Variants in CLDN10 observed in about 807,000 individuals in gnomAD.
The protein encoded by CLDN10 is claudin 10.
Under a neutral mutation model 22.9 loss-of-function variants are expected in CLDN10, and 15 were observed. The ratio of observed to expected loss-of-function variants is 0.65; its 90% CI spans 0.44 to 1.01. CLDN10 has a LOEUF of 1.01. Among genes scored for constraint, CLDN10 ranks in the 50% least tolerant of loss-of-function variants. The pLI is 0.00. For synonymous variants in CLDN10, 114 were observed against 111.4 expected, an observed-to-expected ratio of 1.02 and a Z score of -0.15; for missense variants, 247 against 287.8, an observed-to-expected ratio of 0.86 and a Z score of 1.03.
intron 1 of CLDN10, among the ~76,000 whole-genome samples, chr13:95,473,162 A>G (rs66634065): frequency 0.38 from 27,549 of 73,306 alleles, 3,680 homozygotes; most frequent in African/African-American, 0.46. Context: ...AAAAAAAAGG[A>G]GAGAGAGAGA....
At chr13:95,561,808 C>T (rs1318827852) in intron 3 of CLDN10, among the ~76,000 whole-genome samples, 1 of 148,562 alleles carries the variant, frequency 6.7e-6, no homozygotes, top group Non-Finnish European at 1.5e-5. Context: ...TTCTGTCACT[C>T]AGGCTGGAGT....
At chr13:95,574,845 C>G (rs2043904361) in intron 3 of CLDN10, among the ~76,000 whole-genome samples, 1 of 152,062 alleles carries the variant, frequency 6.6e-6, no homozygotes, top group South Asian at 2.1e-4. Context: ...ACTCATGATT[C>G]CTAAATTTCT....
intron 1 of CLDN10, among the ~76,000 whole-genome samples, chr13:95,435,870 G>A (rs539819503): frequency 1.3e-5 from 2 of 151,438 alleles, no homozygotes; most frequent in South Asian, 4.2e-4. Context: ...TGCCAAGGCT[G>A]GTCTCGATCT....
intron 1 of CLDN10, among the ~76,000 whole-genome samples, chr13:95,446,124 T>A (rs1176799492): frequency 6.6e-6 from 1 of 152,152 alleles, no homozygotes; most frequent in Non-Finnish European, 1.5e-5. Context: ...TTGGAAGAAG[T>A]CATTTCTATC....
chr13:95,534,794 G>GT (rs904934144), intron 1 of CLDN10, among the ~76,000 whole-genome samples: 16 of 151,874 alleles, frequency 1.1e-4, no homozygotes, highest in Admixed American at 6.6e-5. Flanking sequence ...AAACTTCAGG[G>GT]TTTTTTTTCT....
At chr13:95,483,939 G>T (rs1279993236) in intron 1 of CLDN10, among the ~76,000 whole-genome samples, 2 of 152,118 alleles carry the variant, frequency 1.3e-5, no homozygotes, top group African/African-American at 4.8e-5. Flanking sequence ...TGGGATTAGT[G>T]CCCTTATAGA....
At chr13:95,498,128 A>G (rs550646252) in intron 1 of CLDN10, among the ~76,000 whole-genome samples, 91 of 152,326 alleles carry the variant, frequency 6.0e-4, no homozygotes, top group African/African-American at 2.1e-3. Flanking sequence ...CTGAGAGGGA[A>G]TCTGAAGGTC....
intron 1 of CLDN10, 51 bp from the exon 2 acceptor site, chr13:95,560,081 C>T (rs2043685984): frequency 6.6e-7 from 1 of 1,507,416 alleles, no homozygotes; most frequent in Non-Finnish European, 9.0e-7. Context: ...AGGATTTCTC[C>T]CTGGACAGCC....
chr13:95,561,930 T>C (rs200137277), intron 3 of CLDN10, among the ~76,000 whole-genome samples: 1 of 131,054 alleles, frequency 7.6e-6, no homozygotes, highest in African/African-American at 3.2e-5. Context: ...AACCAGATAA[T>C]TTTTTTTTTT....
chr13:95,528,986 A>G (rs1304242004), intron 1 of CLDN10, among the ~76,000 whole-genome samples: 1 of 152,178 alleles, frequency 6.6e-6, no homozygotes, highest in African/African-American at 2.4e-5. Flanking sequence ...GTGATGGCCA[A>G]TCAAGGGTGT....
intron 1 of CLDN10, among the ~76,000 whole-genome samples, chr13:95,537,911 C>T (rs1429514316): frequency 6.6e-6 from 1 of 152,190 alleles, no homozygotes; most frequent in Non-Finnish European, 1.5e-5. Flanking sequence ...AATTGATAAG[C>T]ACTGGTGGCT....
chr13:95,552,539 C>A (rs2043577693), upstream of CLDN10, among the ~76,000 whole-genome samples: 2 of 152,186 alleles, frequency 1.3e-5, no homozygotes, highest in African/African-American at 4.8e-5. Context: ...GATGGAGAAC[C>A]CGGGGGGCGA....
intron 1 of CLDN10, among the ~76,000 whole-genome samples, chr13:95,454,755 T>C (rs1018007157): frequency 4.6e-5 from 7 of 152,164 alleles, no homozygotes; most frequent in South Asian, 2.1e-4. Context: ...TCTGAGGATA[T>C]ACTGAGGGCA....
chr13:95,569,506 C>A (rs1343228226), intron 3 of CLDN10, among the ~76,000 whole-genome samples: 1 of 152,042 alleles, frequency 6.6e-6, no homozygotes, highest in African/African-American at 2.4e-5. Flanking sequence ...ATCACTTGAA[C>A]CTGGGGGGTG....
At chr13:95,442,409 TTCATGATGTAAAGGATATTGTGC>T (rs1241161071) in intron 1 of CLDN10, among the ~76,000 whole-genome samples, 3 of 152,208 alleles carry the variant, frequency 2.0e-5, no homozygotes, top group Non-Finnish European at 4.4e-5. Context: ...TGTCATATTT[TTCATGATGTAAAGGATATTGTGC>T]TCATGATGTG....
intron 1 of CLDN10, among the ~76,000 whole-genome samples, chr13:95,460,123 A>T (rs1209178868): frequency 6.6e-6 from 1 of 152,138 alleles, no homozygotes. Flanking sequence ...CCTCATCTCC[A>T]TCTGAGACCA....
At chr13:95,571,439 C>T (rs1304157792) in intron 3 of CLDN10, among the ~76,000 whole-genome samples, 1 of 152,092 alleles carries the variant, frequency 6.6e-6, no homozygotes, top group Non-Finnish European at 1.5e-5. Context: ...TGGGAGGCAC[C>T]TGTCACTATT....
chr13:95,495,285 T>A (rs1156840272), intron 1 of CLDN10, among the ~76,000 whole-genome samples: 2 of 151,760 alleles, frequency 1.3e-5, no homozygotes, highest in African/African-American at 4.8e-5. Context: ...GATCTGTCCG[T>A]CTTGGCTTCC....
chr13:95,504,206 G>T (rs189630421), intron 1 of CLDN10, among the ~76,000 whole-genome samples: 174 of 152,266 alleles, frequency 1.1e-3, no homozygotes, highest in Non-Finnish European at 2.1e-3. Context: ...GGTGAATAGT[G>T]TAAGTTACAG....
Sources: gnomAD v4.1 joint callset for allele counts (sites outside exome capture counted in the v4.1 genomes callset) on GRCh38, gnomAD v4.1.1 for gene constraint, MANE v1.5 for transcripts, NCBI Gene and HGNC (gene_info 2026-07-23, HGNC 2026-07-21) for gene names.